RPS6KA2: variants seen among roughly 807,000 people sequenced by gnomAD.
The protein encoded by RPS6KA2 is ribosomal protein S6 kinase alpha-2.
A neutral mutation model predicts 91.8 loss-of-function variants in RPS6KA2; 42 were observed. The observed-to-expected ratio is 0.46, with a 90% CI of 0.36 to 0.59. The LOEUF (loss-of-function observed/expected upper bound fraction) is 0.59. RPS6KA2 is among the 20% of genes least tolerant of loss of function. The pLI, the probability that RPS6KA2 is intolerant of heterozygous loss-of-function variation, is 0.00. For missense variants in RPS6KA2, 798 were observed against 978.5 expected, an observed-to-expected ratio of 0.82 and a Z score of 2.46; for synonymous variants, 414 against 393.6, an observed-to-expected ratio of 1.05 and a Z score of -0.61.
At chr6:166,597,738 A>C (rs959226911) in intron 1 of RPS6KA2, among the ~76,000 whole-genome samples, 25 of 152,214 alleles carry the variant, frequency 1.6e-4, no homozygotes, top group African/African-American at 5.8e-4. Flanking sequence ...TGACCATTTC[A>C]TATTATTAAA....
rs1181814393 is a variant in RPS6KA2, at chr6:166,737,674, T to TC, written c.123+120525dup. Among the ~76,000 whole-genome samples the TC allele has an allele frequency of 3.3e-5, 5 of 152,008 alleles. No homozygotes were observed. Among genetic ancestry groups the TC allele is most frequent in the Admixed American group, 2.0e-4 (3 of 15,264 alleles). ...GCTTTCCAGGCTAACGTCCGGATAA[T>TC]CCCCCCAGGTACCTGGGCCATGGAT... On this transcript the variant is annotated intron_variant, in intron 2 of 21. Transcript: ENST00000503859. This position sits in a 1 kb window ranked among gnomAD's most constrained non-coding sequence, Gnocchi z 4.3.
At chr6:166,670,974 C>G (rs1419648031) in intron 2 of RPS6KA2, among the ~76,000 whole-genome samples, 1 of 152,150 alleles carries the variant, frequency 6.6e-6, no homozygotes, top group African/African-American at 2.4e-5. Context: ...CCTCGTGCCA[C>G]CACGCTCAGC....
intron 2 of RPS6KA2, among the ~76,000 whole-genome samples, chr6:166,765,567 T>C (rs1334314485): frequency 6.6e-6 from 1 of 152,242 alleles, no homozygotes; most frequent in Non-Finnish European, 1.5e-5. Flanking sequence ...TCGTAGATTA[T>C]AAAGGATAAC....
At chr6:166,756,733 C>A (rs1030653635) in intron 2 of RPS6KA2, among the ~76,000 whole-genome samples, 1 of 152,246 alleles carries the variant, frequency 6.6e-6, no homozygotes, top group South Asian at 2.1e-4. Context: ...GTAATCCCAG[C>A]TACTTAGGGG....
At chr6:166,616,583 A>G (rs113884730) in intron 1 of RPS6KA2, among the ~76,000 whole-genome samples, 1 of 152,214 alleles carries the variant, frequency 6.6e-6, no homozygotes, top group African/African-American at 2.4e-5. Flanking sequence ...GGAGATGAAC[A>G]TGCAGAACCC....
At chr6:166,816,012 T>A (rs1169597139) in intron 2 of RPS6KA2, among the ~76,000 whole-genome samples, 1 of 152,118 alleles carries the variant, frequency 6.6e-6, no homozygotes, top group Admixed American at 6.5e-5. Flanking sequence ...ATGACAAAAA[T>A]AAGTAAGTCC....
chr6:166,722,638 C>T (rs1172655017), intron 2 of RPS6KA2, among the ~76,000 whole-genome samples: 27 of 152,226 alleles, frequency 1.8e-4, no homozygotes, highest in Admixed American at 1.7e-3. Flanking sequence ...AAAAGAAGAG[C>T]CAGGACACCT....
At chr6:166,785,653 C>A (rs1317427791) in intron 2 of RPS6KA2, among the ~76,000 whole-genome samples, 1 of 152,206 alleles carries the variant, frequency 6.6e-6, no homozygotes, top group African/African-American at 2.4e-5. Flanking sequence ...AATAATTTAT[C>A]CAAAGTCACA....
intron 2 of RPS6KA2, among the ~76,000 whole-genome samples, chr6:166,856,425 C>A (rs892546347): frequency 1.3e-5 from 2 of 152,224 alleles, no homozygotes; most frequent in Non-Finnish European, 2.9e-5. Context: ...GACTTCCCAG[C>A]CTCCAGAACT....
At chr6:166,847,113 C>A (rs1011328129) in intron 2 of RPS6KA2, among the ~76,000 whole-genome samples, 1 of 152,074 alleles carries the variant, frequency 6.6e-6, no homozygotes, top group Non-Finnish European at 1.5e-5. Flanking sequence ...CTGCTACACA[C>A]CAACAGTGAC....
chr6:166,646,230 C>T (rs1372340020), intron 2 of RPS6KA2, among the ~76,000 whole-genome samples: 3 of 152,142 alleles, frequency 2.0e-5, no homozygotes, highest in Admixed American at 6.5e-5. Context: ...ATCTCTTGAT[C>T]GGTTCCACAT....
intron 1 of RPS6KA2, among the ~76,000 whole-genome samples, chr6:166,598,626 G>A (rs3799591): frequency 0.1 from 15,290 of 152,156 alleles, 844 homozygotes; most frequent in East Asian, 0.26. Flanking sequence ...GTGGGTAGAC[G>A]CTCTAAACAT....
intron 16 of RPS6KA2, among the ~76,000 whole-genome samples, chr6:166,429,957 C>CTT (rs1441324687): frequency 6.7e-6 from 1 of 150,354 alleles, no homozygotes; most frequent in African/African-American, 2.5e-5. Context: ...AAGAATTTTT[C>CTT]TTTTCTTTTT....
At chr6:166,528,170 C>T (rs1215258178) in intron 3 of RPS6KA2, among the ~76,000 whole-genome samples, 1 of 152,170 alleles carries the variant, frequency 6.6e-6, no homozygotes, top group Non-Finnish European at 1.5e-5. Context: ...CCTGCACTAA[C>T]AAATGTCTAA....
In RPS6KA2 at chr6:166,612,182, T is replaced by TGACCATCTG. The variant is rs1475270915; in HGVS notation, c.99+14730_99+14738dup. 6.6e-6 allele frequency among the ~76,000 whole-genome samples: 1 copy of TGACCATCTG among 152,122 alleles called. No homozygotes were observed. Among genetic ancestry groups the TGACCATCTG allele is most frequent in the Admixed American group, 6.5e-5 (1 of 15,276 alleles). On this transcript the variant is annotated intron_variant, in intron 1 of 20. Coordinates refer to ENST00000265678, the MANE Select transcript of RPS6KA2 (RefSeq NM_021135.6). This position sits in a 1 kb window ranked among gnomAD's most constrained non-coding sequence, Gnocchi z 4.3. ...TGAGTGTGAGGGCCAGGGAACTCACTGACCATCTGGGGGGGCTCTAGGAAA... is the reference window on the plus strand; with the variant it reads ...TGAGTGTGAGGGCCAGGGAACTCACTGACCATCTGGACCATCTGGGGGGGCTCTAGGAAA...
At chr6:166,476,015 A>C (rs1160024782) in intron 10 of RPS6KA2, among the ~76,000 whole-genome samples, 1 of 152,220 alleles carries the variant, frequency 6.6e-6, no homozygotes, top group African/African-American at 2.4e-5. Flanking sequence ...AATGTCTCAC[A>C]ATGTGACCAC....
At chr6:166,663,852 A>T (rs532456192) in intron 2 of RPS6KA2, among the ~76,000 whole-genome samples, 1 of 152,372 alleles carries the variant, frequency 6.6e-6, no homozygotes, top group African/African-American at 2.4e-5. Flanking sequence ...AGAAAGAGGA[A>T]ATATGGTATC....
chr6:166,750,631 C>T (rs1242819524), intron 2 of RPS6KA2, among the ~76,000 whole-genome samples: 5 of 152,352 alleles, frequency 3.3e-5, no homozygotes, highest in Middle Eastern at 3.4e-3. Context: ...GCAGGTGCCA[C>T]CCGAGCCCGA....
intron 1 of RPS6KA2, among the ~76,000 whole-genome samples, chr6:166,607,800 A>G (rs1786007980): frequency 6.6e-6 from 1 of 152,222 alleles, no homozygotes; most frequent in South Asian, 2.1e-4. Flanking sequence ...ATGTTATGGC[A>G]TTCAGGGCAA....
Sources: gnomAD v4.1 joint callset for allele counts (sites outside exome capture counted in the v4.1 genomes callset) on GRCh38, gnomAD v4.1.1 for gene constraint, Gnocchi (gnomAD v3.1) non-coding constraint, MANE v1.5 for transcripts, NCBI Gene and HGNC (gene_info 2026-07-23, HGNC 2026-07-21) for gene names.